Variants in RILPL1 observed in about 807,000 individuals in gnomAD.
RILPL1 encodes RILP-like protein 1.
In RILPL1, 33 loss-of-function variants were observed where a neutral mutation model predicts 50.3. The ratio of observed to expected loss-of-function variants is 0.66; its 90% CI spans 0.50 to 0.88. The LOEUF is 0.88. Among genes scored for constraint, RILPL1 ranks in the 40% least tolerant of loss-of-function variants. RILPL1 has a pLI of 0.00. For synonymous variants in RILPL1, 205 were observed against 228.6 expected (o/e 0.90, Z 0.93); for missense variants, 418 against 542.5 (o/e 0.77, Z 2.28).
At chr12:123,510,454 G>C (rs1274795659) in intron 2 of RILPL1, among the ~76,000 whole-genome samples, 2 of 145,676 alleles carry the variant, frequency 1.4e-5, no homozygotes, top group Non-Finnish European at 3.0e-5. Context: ...CTGTGTGTGT[G>C]AATGTGGGGT....
chr12:123,484,137 C>A, intron 6 of RILPL1, 43 bp downstream of exon 6: 1 of 1,328,570 alleles, frequency 7.5e-7, no homozygotes. Flanking sequence ...ACACGTGAAC[C>A]GCCAGGTCAG....
intron 4 of RILPL1, among the ~76,000 whole-genome samples, chr12:123,493,175 A>G (rs947520964): frequency 6.6e-6 from 1 of 152,212 alleles, no homozygotes; most frequent in Non-Finnish European, 1.5e-5. Flanking sequence ...TGAGATAGGG[A>G]AAAACCGCCT....
At chr12:123,515,926 T>C (rs553871005) in intron 2 of RILPL1, among the ~76,000 whole-genome samples, 31 of 148,668 alleles carry the variant, frequency 2.1e-4, no homozygotes, top group African/African-American at 7.7e-4. Flanking sequence ...CCCAGCTACT[T>C]GGGAGGCTGA....
chr12:123,512,071 GTC>G (rs1184004283), intron 2 of RILPL1, among the ~76,000 whole-genome samples: 1 of 104,512 alleles, frequency 9.6e-6, no homozygotes, highest in African/African-American at 3.6e-5. Flanking sequence ...GGTGTGTGAG[GTC>G]TGTGTGTGTG....
Position 123,498,884 on chromosome 12 carries a change from A to G in RILPL1, c.580-119T>C. On this transcript the variant is annotated intron_variant, in intron 3 of 6. Coordinates refer to ENST00000376874, the MANE Select transcript of RILPL1 (RefSeq NM_178314.5). This position sits in a 1 kb window ranked among gnomAD's most constrained non-coding sequence, Gnocchi z 4.3. ...TTACATTGCAGACATCTTTGTTTGA[A>G]AGTTGTTCGTATTCTTATAGCTGAT... is the stretch of plus-strand genomic sequence containing the variant. The G allele has an allele frequency of 1.1e-6, 1 of 914,520 alleles. No individual in the cohort carries two copies. Among genetic ancestry groups the G allele is most frequent in the Non-Finnish European group, 1.7e-6 (1 of 583,386 alleles). The allele number at this position is 914,520 out of a possible 1,614,324, so 56.7% of individuals were successfully genotyped here.
chr12:123,502,373 G>A (rs1392743803), intron 2 of RILPL1, among the ~76,000 whole-genome samples: 2 of 152,218 alleles, frequency 1.3e-5, no homozygotes, highest in East Asian at 1.9e-4. Context: ...CAAAGCTGTC[G>A]TTTTTCCAGA....
rs911570101 is a variant in RILPL1 at position 123,498,559 on chromosome 12, C to T, written c.786G>A (p.Gly262=). 1.2e-6 allele frequency: 2 copies of T among 1,613,388 alleles called. No homozygotes were observed. The highest frequency in any genetic ancestry group is 2.7e-5 in the African/African-American group (2 of 74,914). ...TCCTGCTCACCTCAGGCTCCTCCTC[C>T]CCATTCTGGCTGTGCTCCCCCTGCA... ...ERLQGEHSQN[G]EEEPETEPVG... The change falls in exon 4 of 7, where the codon GGG becomes GGA. Residue 262 remains glycine, a synonymous_variant. Transcript: ENST00000376874. The surrounding 1 kb of genome is among the most constrained non-coding windows in gnomAD (Gnocchi z 4.3).
At chr12:123,524,584 C>T (rs1338707519) in intron 1 of RILPL1, among the ~76,000 whole-genome samples, 1 of 152,236 alleles carries the variant, frequency 6.6e-6, no homozygotes, top group South Asian at 2.1e-4. Flanking sequence ...TACAATGGAA[C>T]ATTATTCGGC....
chr12:123,519,524 C>T (rs1056401808), intron 2 of RILPL1: 7 of 152,598 alleles, frequency 4.6e-5, no homozygotes, highest in African/African-American at 9.6e-5. Context: ...TCTCAGCACC[C>T]CCTCACCCCC....
rs1419446690 is a variant in RILPL1, at chr12:123,471,632, C to T, written c.*906G>A. The T allele has an allele frequency of 6.6e-6, 1 of 152,344 alleles. No individual in the cohort carries two copies. The highest frequency in any genetic ancestry group is 1.5e-5 in the Non-Finnish European group (1 of 68,158). 9.4% of individuals were successfully genotyped at this position (152,344 alleles called of 1,614,324 possible). ...TGTGGTCCCCAAGCCAGCTTCCCAC[C>T]TAGCACCCTTGTTCTGCTACAGCTC... is the stretch of plus-strand genomic sequence containing the variant. On this transcript the variant is annotated 3_prime_UTR_variant, in exon 7 of 7. Transcript: ENST00000376874.
In RILPL1 at chr12:123,491,825, T is replaced by A. The variant is rs923736082; in HGVS notation, c.802-6020A>T. ...TTCGAGATCAGCCTGGGCAACATGG[T>A]AAAACCCTGTCTCTACTAAAAATAC... On this transcript the variant is annotated intron_variant, in intron 4 of 6. Coordinates refer to ENST00000376874, the MANE Select transcript of RILPL1 (RefSeq NM_178314.5). The surrounding 1 kb of genome is among the most constrained non-coding windows in gnomAD (Gnocchi z 4.0). Among the ~76,000 whole-genome samples the A allele has an allele frequency of 1.4e-4, 22 of 151,738 alleles. No homozygotes were observed. The highest frequency in any genetic ancestry group is 5.3e-4 in the African/African-American group (22 of 41,286).
intron 6 of RILPL1, among the ~76,000 whole-genome samples, chr12:123,480,155 A>ATTCT (rs1881867002): frequency 7.1e-6 from 1 of 140,602 alleles, no homozygotes; most frequent in African/African-American, 2.7e-5. Context: ...AGAAAGGCTG[A>ATTCT]TTCTTTTTTT....
In RILPL1 at chr12:123,472,410, T is replaced by G; in HGVS notation, c.*128A>C. 4 of 964,194 alleles carry G rather than the reference T, an allele frequency of 4.1e-6. No individual in the cohort carries two copies. Among genetic ancestry groups the G allele is most frequent in the South Asian group, 3.4e-5 (2 of 58,478 alleles). 59.7% of individuals were successfully genotyped at this position (964,194 alleles called of 1,614,324 possible). On this transcript the variant is annotated 3_prime_UTR_variant, in exon 7 of 7. Coordinates refer to ENST00000376874, the MANE Select transcript of RILPL1 (RefSeq NM_178314.5). ...GTCCATCCTCAAATCAGACAGTCTG[T>G]TTGAGGGGTCAGTTTTCAGGGTGCA...
chr12:123,492,080 C>A (rs551582696), intron 4 of RILPL1, among the ~76,000 whole-genome samples: 2 of 151,910 alleles, frequency 1.3e-5, no homozygotes, highest in South Asian at 2.1e-4. Context: ...TCAAGACCAG[C>A]CTGACCAACA....
At chr12:123,532,817 TA>T (rs1199628952) in intron 1 of RILPL1, among the ~76,000 whole-genome samples, 1 of 151,498 alleles carries the variant, frequency 6.6e-6, no homozygotes, top group Non-Finnish European at 1.5e-5. Flanking sequence ...TCTAAGCACT[TA>T]GCTTATATGG....
intron 2 of RILPL1, among the ~76,000 whole-genome samples, chr12:123,502,080 CA>C (rs35609573): frequency 0.37 from 35,999 of 98,280 alleles, 4,724 homozygotes; most frequent in African/African-American, 0.5. Context: ...AACTTCGTCT[CA>C]AAAAAAAAAA....
chr12:123,504,379 C>G (rs762174851), intron 2 of RILPL1, among the ~76,000 whole-genome samples: 2 of 152,206 alleles, frequency 1.3e-5, no homozygotes, highest in Non-Finnish European at 2.9e-5. Context: ...TCTCTCTTGT[C>G]TTGGTGGTCA....
chr12:123,528,717 C>T (rs28741988), intron 1 of RILPL1, among the ~76,000 whole-genome samples: 84,639 of 151,956 alleles, frequency 0.56, 25,537 homozygotes, highest in East Asian at 0.9. Flanking sequence ...TGAGCCACCG[C>T]GCCCGACCAG....
chr12:123,513,568 C>T (rs1884518014), intron 2 of RILPL1: 1 of 205,342 alleles, frequency 4.9e-6, no homozygotes, highest in South Asian at 5.7e-5. Flanking sequence ...CTTCAGGCCT[C>T]GGTGCTCTCG....
Sources: gnomAD v4.1 joint callset for allele counts (sites outside exome capture counted in the v4.1 genomes callset) on GRCh38, gnomAD v4.1.1 for gene constraint, Gnocchi (gnomAD v3.1) non-coding constraint, MANE v1.5 for transcripts, NCBI Gene and HGNC (gene_info 2026-07-23, HGNC 2026-07-21) for gene names.